The following NMU variants were observed in gnomAD, a reference collection of about 807,000 sequenced individuals.
NMU encodes the protein neuromedin-U.
A neutral mutation model predicts 35.4 loss-of-function variants in NMU; 29 were observed. The ratio of observed to expected loss-of-function variants is 0.82; its 90% CI spans 0.61 to 1.12. NMU has a LOEUF of 1.12. Among genes scored for constraint, NMU ranks in the 50% most tolerant of loss-of-function variants. The probability of loss-of-function intolerance (pLI) is 0.00; values close to 1 mark genes in which losing one functional copy is unlikely to be tolerated. For missense variants in NMU, 199 were observed against 206.2 expected (o/e 0.97, Z 0.21); for synonymous variants, 78 against 81.3 (o/e 0.96, Z 0.22).
intron 9 of NMU, among the ~76,000 whole-genome samples, chr4:55,596,791 A>C (rs1054112713): frequency 6.6e-6 from 1 of 152,322 alleles, no homozygotes; most frequent in Admixed American, 6.5e-5. Context: ...ACACATTAAG[A>C]ACTACATTAA....
Position 55,630,380 on chromosome 4 carries a change from T to G in NMU, c.171+22A>C, listed in dbSNP as rs115163189. ...AAAGAAGGGTAAAGTTTCTACAAAT[T>G]TGTGTGATGATAGTTCCTTACCTCA... On this transcript the variant is annotated intron_variant, in intron 2 of 9. Coordinates refer to ENST00000264218, the MANE Select transcript of NMU (RefSeq NM_006681.4). 4,121 of 1,576,324 alleles carry G rather than the reference T, an allele frequency of 2.6e-3. 7 individuals carry two copies. Among genetic ancestry groups the G allele is most frequent in the Non-Finnish European group, 3.3e-3 (3,770 of 1,145,882 alleles).
chr4:55,598,591 GCA>G, intron 9 of NMU, among the ~76,000 whole-genome samples: 2 of 152,230 alleles, frequency 1.3e-5, no homozygotes, highest in South Asian at 4.2e-4. Flanking sequence ...TCTATGTCCA[GCA>G]CTGAGGTAGA....
intron 1 of NMU, among the ~76,000 whole-genome samples, chr4:55,635,759 C>G (rs1292750330): frequency 6.6e-6 from 1 of 152,228 alleles, no homozygotes; most frequent in Non-Finnish European, 1.5e-5. Context: ...TTCCACGGGC[C>G]GGGGGGTCTG....
intron 2 of NMU, among the ~76,000 whole-genome samples, chr4:55,629,889 A>G (rs919640282): frequency 1.3e-5 from 2 of 152,090 alleles, no homozygotes; most frequent in African/African-American, 4.8e-5. Flanking sequence ...GTTTATATTA[A>G]TGATGTCTAT....
At chr4:55,609,694 A>C (rs115219920) in intron 3 of NMU, among the ~76,000 whole-genome samples, 251 of 152,352 alleles carry the variant, frequency 1.6e-3, no homozygotes, top group African/African-American at 5.9e-3. Context: ...CCACCCTTCC[A>C]GATTGCTGAC....
chr4:55,618,623 TTTC>T (rs778820433), intron 2 of NMU, among the ~76,000 whole-genome samples: 15 of 151,912 alleles, frequency 9.9e-5, no homozygotes, highest in African/African-American at 2.7e-4. Context: ...CTCTCTCCTC[TTTC>T]TTCTTTCTTT....
chr4:55,614,585 CAAT>C (rs758539891), intron 3 of NMU, among the ~76,000 whole-genome samples: 7 of 152,040 alleles, frequency 4.6e-5, no homozygotes, highest in Non-Finnish European at 7.4e-5. Flanking sequence ...TGTAATAAAA[CAAT>C]AATTTTTTAA....
At chr4:55,629,094 C>G (rs761052468) in intron 2 of NMU, among the ~76,000 whole-genome samples, 11 of 152,054 alleles carry the variant, frequency 7.2e-5, no homozygotes, top group African/African-American at 1.4e-4. Flanking sequence ...ATTTGTTATA[C>G]TTTGTTATTA....
At chr4:55,607,410 G>T in intron 5 of NMU, 27 bp downstream of exon 5, 1 of 1,222,058 alleles carries the variant, frequency 8.2e-7, no homozygotes, top group South Asian at 1.3e-5. Context: ...TATTTTATAA[G>T]GTATAGATGT....
chr4:55,627,347 A>C (rs954335027), intron 2 of NMU, among the ~76,000 whole-genome samples: 1 of 151,882 alleles, frequency 6.6e-6, no homozygotes, highest in African/African-American at 2.4e-5. Flanking sequence ...GTTTTCAGCT[A>C]ATTGTAGACC....
chr4:55,617,954 C>T (rs969777414), intron 2 of NMU, among the ~76,000 whole-genome samples: 1 of 152,204 alleles, frequency 6.6e-6, no homozygotes, highest in African/African-American at 2.4e-5. Context: ...TAGGAGATAA[C>T]TGCAAAGTTT....
chr4:55,616,289 C>T, intron 3 of NMU, 49 bp downstream of exon 3: 1 of 1,330,822 alleles, frequency 7.5e-7, no homozygotes, highest in Non-Finnish European at 1.1e-6. Flanking sequence ...AGAGTTTAAG[C>T]ACTACACAAA....
chr4:55,597,712 T>G (rs1013695439), intron 9 of NMU, among the ~76,000 whole-genome samples: 1 of 152,154 alleles, frequency 6.6e-6, no homozygotes, highest in African/African-American at 2.4e-5. Flanking sequence ...TCCCCATACC[T>G]ATTAGTCTGT....
chr4:55,601,214 A>C (rs946264692), intron 7 of NMU, among the ~76,000 whole-genome samples: 1 of 152,116 alleles, frequency 6.6e-6, no homozygotes, highest in African/African-American at 2.4e-5. Flanking sequence ...TTTAAGCTTC[A>C]TGAAAAAAAT....
chr4:55,604,461 T>C (rs1733591454), intron 7 of NMU, among the ~76,000 whole-genome samples: 1 of 151,830 alleles, frequency 6.6e-6, no homozygotes, highest in Non-Finnish European at 1.5e-5. Flanking sequence ...TGGATTTAGG[T>C]CACATTTTTT....
chr4:55,634,640 T>C (rs983672112), intron 1 of NMU, among the ~76,000 whole-genome samples: 3 of 152,202 alleles, frequency 2.0e-5, no homozygotes, highest in Non-Finnish European at 4.4e-5. Flanking sequence ...TTTCTTTACA[T>C]AGCAAAGTCA....
chr4:55,597,869 C>T (rs1235560113), intron 9 of NMU, among the ~76,000 whole-genome samples: 1 of 151,840 alleles, frequency 6.6e-6, no homozygotes, highest in African/African-American at 2.4e-5. Context: ...GTTTTAATTT[C>T]TCTTTTCATT....
At chr4:55,616,071 C>T (rs1734100251) in intron 3 of NMU, among the ~76,000 whole-genome samples, 1 of 152,130 alleles carries the variant, frequency 6.6e-6, no homozygotes, top group Non-Finnish European at 1.5e-5. Flanking sequence ...TCTAACTTAA[C>T]ACATAATTTG....
At chr4:55,608,015 T>C (rs141795910) in intron 4 of NMU, among the ~76,000 whole-genome samples, 43 of 151,740 alleles carry the variant, frequency 2.8e-4, no homozygotes, top group African/African-American at 1.0e-3. Flanking sequence ...CTAAAAAAAA[T>C]ACAAAAAATT....
Sources: allele counts gnomAD v4.1 joint callset (sites outside exome capture counted in the v4.1 genomes callset), GRCh38; gene constraint gnomAD v4.1.1; transcripts MANE v1.5; gene names NCBI Gene and HGNC (gene_info 2026-07-23, HGNC 2026-07-21).